The following TESK1 variants were observed in gnomAD, a reference collection of about 807,000 sequenced individuals.
TESK1 encodes testis associated actin remodelling kinase 1.
In TESK1, 18 loss-of-function variants were observed where a neutral mutation model predicts 59.9. The observed-to-expected ratio is 0.30, with a 90% CI of 0.21 to 0.45. The LOEUF is 0.45. Among genes scored for constraint, TESK1 ranks in the 20% least tolerant of loss-of-function variants. TESK1 has a pLI of 1.00. For missense variants in TESK1, 748 were observed against 840.9 expected (o/e 0.89, Z 1.37); for synonymous variants, 341 against 357.4 (o/e 0.95, Z 0.52).
chr9:35,607,553 TTCTGAC>T lies in TESK1; in HGVS notation c.621-28_621-23del. 1 of 1,603,836 alleles carries T rather than the reference TTCTGAC, an allele frequency of 6.2e-7. No homozygotes were observed. Among genetic ancestry groups the T allele is most frequent in the Non-Finnish European group, 8.5e-7 (1 of 1,171,116 alleles). Reference sequence around the variant, plus strand: ...TGGGGGGGATGCCTGAATAGGATGCTTCTGACCACTCTGCCCCTGCCCCTGCAGGGA... The same window carrying T: ...TGGGGGGGATGCCTGAATAGGATGCTCACTCTGCCCCTGCCCCTGCAGGGA... On this transcript the variant is annotated intron_variant, in intron 5 of 9. Transcript: ENST00000336395. The surrounding 1 kb of genome is among the most constrained non-coding windows in gnomAD (Gnocchi z 4.5).
In TESK1 at chr9:35,605,526, G is replaced by C. The variant is rs1411650007; in HGVS notation, c.-94G>C. On this transcript the variant is annotated 5_prime_UTR_variant, in exon 1 of 10. Coordinates refer to ENST00000336395, the MANE Select transcript of TESK1 (RefSeq NM_006285.3). ...GGCGGGAGCCGGAGTCCGGGCGCCC[G>C]GGATCGGGCTGGGCCCGCGCCCATG... 1 of 309,406 alleles carries C rather than the reference G, an allele frequency of 3.2e-6. No individual in the cohort carries two copies. The highest frequency in any genetic ancestry group is 6.1e-5 in the East Asian group (1 of 16,368). The allele number at this position is 309,406 out of a possible 1,614,324, so 19.2% of individuals were successfully genotyped here. A position where few individuals can be genotyped will look rare whatever the true frequency, so the allele number is the denominator to read the frequency against.
chr9:35,605,607 T>C lies in TESK1; in HGVS notation c.-13T>C, dbSNP rs1293880678. ...CCTGCCATGTGAGGCAGGCCCGGGCTGGGGGCCCGGCCATGGCCGGGGAAC... is the reference window on the plus strand; with the variant it reads ...CCTGCCATGTGAGGCAGGCCCGGGCCGGGGGCCCGGCCATGGCCGGGGAAC... On this transcript the variant is annotated 5_prime_UTR_variant, in exon 1 of 10. Transcript: ENST00000336395. 2.9e-6 allele frequency: 3 copies of C among 1,036,572 alleles called. No homozygotes were observed. The highest frequency in any genetic ancestry group is 3.9e-5 in the East Asian group (1 of 25,764). The allele number at this position is 1,036,572 out of a possible 1,614,324, so 64.2% of individuals were successfully genotyped here. A position where few individuals can be genotyped will look rare whatever the true frequency, so the allele number is the denominator to read the frequency against.
rs148304678 is a variant in TESK1 at position 35,608,675 on chromosome 9, A to G, written c.1000+166A>G. Among the ~76,000 whole-genome samples, 25 of 152,286 alleles carry G rather than the reference A, an allele frequency of 1.6e-4. No individual in the cohort carries two copies. In the East Asian group the frequency reaches 4.1e-3, roughly 25 times the overall value. ...TCCAAGAAGACAGTTTCCTAATGCT[A>G]AAGCTTGAGGGAGAGGAGGGGAAAG... On this transcript the variant is annotated intron_variant, in intron 9 of 9. Transcript: ENST00000336395.
intron 1 of TESK1, 65 bp from the exon 2 acceptor site, chr9:35,605,919 A>G (rs1359409125): frequency 1.2e-6 from 2 of 1,607,294 alleles, no homozygotes; most frequent in Non-Finnish European, 1.7e-6. Context: ...AGTGCGGGGA[A>G]GAGGGTCCAG....
chr9:35,608,044 C>T (rs370537276), intron 7 of TESK1, 33 bp downstream of exon 7: 4 of 1,612,008 alleles, frequency 2.5e-6, no homozygotes, highest in African/African-American at 1.3e-5. Context: ...AGAAAGAATT[C>T]CAGACTAGCT....
rs749337186 is a variant in TESK1, at chr9:35,605,714, G to T, written c.95G>T (p.Gly32Val). The change falls in exon 1 of 10, where the codon GGC becomes GTC. Residue 32 changes from glycine to valine, a missense_variant. Physicochemically the swap from Gly to Val is moderately radical, Grantham distance 109 (BLOSUM62 -3). Coordinates refer to ENST00000336395, the MANE Select transcript of TESK1 (RefSeq NM_006285.3). The part of the protein sequence containing the change: ...GPPGPGGTGG[G>V]PGRGRPSSYR... ...CCGGGGCCGGGGGGCACGGGCGGAG[G>T]CCCGGGCCGGGGCCGCCCCTCCTCC... 7.8e-6 allele frequency: 12 copies of T among 1,548,360 alleles called. No individual in the cohort carries two copies. The East Asian group carries it at 2.4e-4, about 31-fold the overall frequency.
chr9:35,605,582 C>A lies in TESK1; in HGVS notation c.-38C>A, dbSNP rs1328741966. 2 of 710,586 alleles carry A rather than the reference C, an allele frequency of 2.8e-6. No homozygotes were observed. The highest frequency in any genetic ancestry group is 4.8e-5 in the Admixed American group (1 of 20,770). The allele number at this position is 710,586 out of a possible 1,614,324, so 44.0% of individuals were successfully genotyped here. The stretch of plus-strand genomic sequence containing the variant: ...CGCGGCCTGCCCGGGCCCTGGGGAC[C>A]CTGCCATGTGAGGCAGGCCCGGGCT... On this transcript the variant is annotated 5_prime_UTR_variant, in exon 1 of 10. Transcript: ENST00000336395.
rs1822926787 is a variant in TESK1 at position 35,609,348 on chromosome 9, T to C, written c.1487T>C (p.Ile496Thr). Residue 496 changes from isoleucine to threonine, a missense_variant, in exon 10 of 10, where the codon ATC becomes ACC. Ile to Thr is a moderately conservative substitution (Grantham distance 89). Transcript: ENST00000336395. The surrounding 1 kb of genome is among the most constrained non-coding windows in gnomAD (Gnocchi z 6.7). ...CTGGCTGTGGCCACAGACAACTTCA[T>C]CAGCACCTGTTCCTCGGCCTCCCAA... ...LPLAVATDNF[I>T]STCSSASQPW... The C allele has an allele frequency of 2.5e-6, 4 of 1,613,526 alleles. No individual in the cohort carries two copies. Among genetic ancestry groups the C allele is most frequent in the Non-Finnish European group, 3.4e-6 (4 of 1,179,836 alleles).
rs552742883 is a variant in TESK1 at position 35,605,287 on chromosome 9, G to T, written c.-333G>T. The T allele has an allele frequency of 2.0e-5, 3 of 148,776 alleles. No individual in the cohort carries two copies. Among genetic ancestry groups the T allele is most frequent in the Admixed American group, 6.7e-5 (1 of 14,908 alleles). The allele number at this position is 148,776 out of a possible 1,614,324, so 9.2% of individuals were successfully genotyped here. A position where few individuals can be genotyped will look rare whatever the true frequency, so the allele number is the denominator to read the frequency against. On this transcript the variant is annotated 5_prime_UTR_variant, in exon 1 of 10. Transcript: ENST00000336395. ...GGAGCCTGATCCCCGGCGGCTAAGCGGAGCAGCCGCCGCCCGCCCGCCCGC... is the reference window on the plus strand; with the variant it reads ...GGAGCCTGATCCCCGGCGGCTAAGCTGAGCAGCCGCCGCCCGCCCGCCCGC...
Position 35,607,218 on chromosome 9 carries a change from C to A in TESK1, c.538-109C>A. On this transcript the variant is annotated intron_variant, in intron 4 of 9. Transcript: ENST00000336395. The surrounding 1 kb of genome is among the most constrained non-coding windows in gnomAD (Gnocchi z 4.5). ...GAAGTGCCTTGAAAAACTGGGAGAG[C>A]AGAGAGGGTTGGAGTTATGCTGGAG... is the stretch of plus-strand genomic sequence containing the variant. The A allele has an allele frequency of 7.0e-7, 1 of 1,430,688 alleles. No homozygotes were observed. The highest frequency in any genetic ancestry group is 9.8e-7 in the Non-Finnish European group (1 of 1,022,162). The allele number at this position is 1,430,688 out of a possible 1,614,324, so 88.6% of individuals were successfully genotyped here. A position where few individuals can be genotyped will look rare whatever the true frequency, so the allele number is the denominator to read the frequency against.
At chr9:35,606,405 G>A (rs1349793796) in intron 3 of TESK1, 120 bp downstream of exon 3, 1 of 1,264,394 alleles carries the variant, frequency 7.9e-7, no homozygotes, top group Non-Finnish European at 1.1e-6. Context: ...TCCTCTCAGG[G>A]GAGGCTTTCC....
In TESK1 at chr9:35,607,489, C is replaced by G. The variant is rs1380965618; in HGVS notation, c.620+80C>G. The G allele has an allele frequency of 1.2e-5, 19 of 1,594,128 alleles. No individual in the cohort carries two copies. Among genetic ancestry groups the G allele is most frequent in the Non-Finnish European group, 1.5e-5 (18 of 1,162,300 alleles). ...TCCCCAGAGCCCCAGGGATGTTTCC[C>G]TTGGGGAACGGAGGGAGTTCACCTC... On this transcript the variant is annotated intron_variant, in intron 5 of 9. Coordinates refer to ENST00000336395, the MANE Select transcript of TESK1 (RefSeq NM_006285.3). The surrounding 1 kb of genome is among the most constrained non-coding windows in gnomAD (Gnocchi z 4.5).
At position 35,607,282 on chromosome 9, in the gene TESK1, C is replaced by T. The variant is rs764246699; in HGVS notation, c.538-45C>T. 5.6e-6 allele frequency: 9 copies of T among 1,607,530 alleles called. No individual in the cohort carries two copies. The African/African-American group carries it at 1.1e-4, about 19-fold the overall frequency. On this transcript the variant is annotated intron_variant, in intron 4 of 9. Transcript: ENST00000336395. The surrounding 1 kb of genome is among the most constrained non-coding windows in gnomAD (Gnocchi z 4.5). ...GGTTATACATTGGGAGGCCAGACAG[C>T]AGAAGGTGATGAGTGCGTGGGGATA...
At chr9:35,605,911 T>C (rs1417890883) in intron 1 of TESK1, 73 bp downstream of exon 1, 4 of 1,603,278 alleles carry the variant, frequency 2.5e-6, no homozygotes, top group South Asian at 2.2e-5. Context: ...GGGCCGGGAG[T>C]GCGGGGAAGA....
Position 35,606,286 on chromosome 9 carries a change from G to T in TESK1, c.390+1G>T, listed in dbSNP as rs1822847430. The stretch of plus-strand genomic sequence containing the variant: ...GGGACAGCTGCACGCTCTTACAGAG[G>T]TGAGGATAGGCCAGGAAGGAGGGAT... On this transcript the variant is annotated splice_donor_variant, in intron 3 of 9. Transcript: ENST00000336395. LOFTEE classifies it high-confidence loss of function. 1.9e-6 allele frequency: 3 copies of T among 1,613,918 alleles called. No homozygotes were observed. Among genetic ancestry groups the T allele is most frequent in the Non-Finnish European group, 2.5e-6 (3 of 1,180,030 alleles).
Position 35,608,181 on chromosome 9 carries a change from G to T in TESK1, c.817G>T (p.Ala273Ser), listed in dbSNP as rs952840729. The T allele has an allele frequency of 6.2e-7, 1 of 1,614,182 alleles. No homozygotes were observed. The highest frequency in any genetic ancestry group is 1.7e-5 in the Admixed American group (1 of 60,018). ...ACAGGACTTTGGCCTGGATGTGCCT[G>T]CTTTCCGAACTCTGGTGGGGGATGA... Reference protein sequence around the residue: ...RTEDFGLDVPAFRTLVGDDCP... With the variant: ...RTEDFGLDVPSFRTLVGDDCP... Residue 273 changes from alanine to serine, a missense_variant, in exon 8 of 10, where the codon GCT becomes TCT. Ala to Ser is a moderately conservative substitution (Grantham distance 99). Around this residue, in one of 3 missense-constraint regions of TESK1, gnomAD observed 168 missense variants for 257.4 expected, o/e 0.65. Coordinates refer to ENST00000336395, the MANE Select transcript of TESK1 (RefSeq NM_006285.3).
chr9:35,608,536 T>A (rs776368869), intron 9 of TESK1, 27 bp downstream of exon 9: 2 of 1,597,828 alleles, frequency 1.3e-6, no homozygotes, highest in Non-Finnish European at 1.7e-6. Context: ...TTGATCCAGC[T>A]TGAGTCCTTT....
In TESK1 at chr9:35,605,805, G is replaced by T. The variant is rs1174350478; in HGVS notation, c.186G>T (p.Lys62Asn). ...ARVDDFHCAE[K>N]IGAGFFSEVY... is the part of the protein sequence containing the mutation. ...TGGACGATTTTCACTGCGCGGAGAA[G>T]ATCGGGGCCGGCTTCTTCTCTGAGG... Residue 62 changes from lysine to asparagine, a missense_variant, in exon 1 of 10, where the codon AAG (lysine) becomes AAT (asparagine). Physicochemically the swap from Lys to Asn is moderately conservative, Grantham distance 94. Around this residue, in one of 3 missense-constraint regions of TESK1, gnomAD observed 133 missense variants for 117.4 expected, o/e 1.13. Transcript: ENST00000336395. The T allele has an allele frequency of 1.2e-6, 2 of 1,612,070 alleles. No homozygotes were observed. The highest frequency in any genetic ancestry group is 1.7e-5 in the Admixed American group (1 of 59,960).
chr9:35,606,706 G>A (rs1349816816), intron 3 of TESK1, 131 bp from the exon 4 acceptor site: 2 of 792,182 alleles, frequency 2.5e-6, no homozygotes, highest in Non-Finnish European at 3.8e-6. Context: ...CATGGATGGG[G>A]GGGGTCCTAC....
Sources: allele counts gnomAD v4.1 joint callset (sites outside exome capture counted in the v4.1 genomes callset), GRCh38; gene constraint gnomAD v4.1.1; regional missense constraint gnomAD v4.1.1; non-coding constraint Gnocchi (gnomAD v3.1); transcripts MANE v1.5; gene names NCBI Gene and HGNC (gene_info 2026-07-23, HGNC 2026-07-21).